ZBTB44: variants seen among roughly 807,000 people sequenced by gnomAD.
ZBTB44 encodes zinc finger and BTB domain containing 44.
In ZBTB44, 15 loss-of-function variants were observed where a neutral mutation model predicts 54.0. The ratio of observed to expected loss-of-function variants is 0.28; its 90% CI spans 0.19 to 0.43. The LOEUF is 0.43. ZBTB44 is among the 20% of genes least tolerant of loss of function. The pLI is 1.00. For missense variants in ZBTB44, 487 were observed against 707.1 expected (o/e 0.69, Z 3.53); for synonymous variants, 230 against 250.1 (o/e 0.92, Z 0.76).
intron 1 of ZBTB44, chr11:130,295,593 C>A (rs1941592864): frequency 8.2e-6 from 6 of 735,806 alleles, no homozygotes; most frequent in Non-Finnish European, 1.4e-5. Context: ...ACTTCATTTG[C>A]TTCTCTACAT....
intron 1 of ZBTB44, chr11:130,296,818 C>T: frequency 1.3e-6 from 1 of 749,052 alleles, no homozygotes; most frequent in Non-Finnish European, 2.5e-6. Context: ...GGTTATGATT[C>T]CCATTCTCTG....
chr11:130,269,061 C>T (rs111382723), intron 1 of ZBTB44, among the ~76,000 whole-genome samples: 11 of 151,042 alleles, frequency 7.3e-5, no homozygotes, highest in East Asian at 2.0e-4. Flanking sequence ...GAGGCCAAAG[C>T]GGGTGGATCA....
At position 130,229,723 on chromosome 11, in the gene ZBTB44, C is replaced by CTTT. The variant is rs1953804360; in HGVS notation, c.*2038_*2040dup. The CTTT allele has an allele frequency of 6.6e-6, 1 of 152,080 alleles. No individual in the cohort carries two copies. The highest frequency in any genetic ancestry group is 1.5e-5 in the Non-Finnish European group (1 of 67,984). 9.4% of individuals were successfully genotyped at this position (152,080 alleles called of 1,614,324 possible). A position where few individuals can be genotyped will look rare whatever the true frequency, so the allele number is the denominator to read the frequency against. ...CACTGCTTCAGAAAAGAAAATTTAG[C>CTTT]TTTTATACATTCATCTCTCAATAAC... On this transcript the variant is annotated 3_prime_UTR_variant, in exon 8 of 8. Transcript: ENST00000357899.
At chr11:130,285,706 A>G in intron 1 of ZBTB44, 1 of 262,600 alleles carries the variant, frequency 3.8e-6, no homozygotes, top group Non-Finnish European at 7.6e-6. Context: ...GTTTGTCCTC[A>G]CCTCTCCAGT....
chr11:130,286,142 C>G (rs567381785), intron 1 of ZBTB44, among the ~76,000 whole-genome samples: 1 of 151,934 alleles, frequency 6.6e-6, no homozygotes, highest in African/African-American at 2.4e-5. Context: ...CAGACTGAGA[C>G]GAAATCAGGC....
At chr11:130,268,062 C>CT in intron 1 of ZBTB44, among the ~76,000 whole-genome samples, 1 of 138,346 alleles carries the variant, frequency 7.2e-6, no homozygotes, top group East Asian at 2.2e-4. Context: ...GAGTGAGACT[C>CT]TGTCTACAAA....
chr11:130,249,634 C>A (rs1937829471), intron 2 of ZBTB44, among the ~76,000 whole-genome samples: 1 of 152,200 alleles, frequency 6.6e-6, no homozygotes, highest in Non-Finnish European at 1.5e-5. Context: ...GTGGGTACAG[C>A]CCACAGAGGG....
At chr11:130,240,366 A>G (rs957315584) in intron 2 of ZBTB44, among the ~76,000 whole-genome samples, 1 of 151,514 alleles carries the variant, frequency 6.6e-6, no homozygotes, top group African/African-American at 2.4e-5. Context: ...AATGTTTGTG[A>G]TTTTAAAGAA....
intron 1 of ZBTB44, among the ~76,000 whole-genome samples, chr11:130,263,916 T>C (rs753556546): frequency 6.6e-6 from 1 of 152,108 alleles, no homozygotes; most frequent in African/African-American, 2.4e-5. Context: ...CTGAAAAAAC[T>C]CTGAAGGGCA....
intron 2 of ZBTB44, among the ~76,000 whole-genome samples, chr11:130,241,637 T>C (rs750949283): frequency 4.6e-5 from 7 of 152,218 alleles, no homozygotes; most frequent in Non-Finnish European, 7.3e-5. Flanking sequence ...CAAATATCTT[T>C]CCCCATCCCA....
At position 130,236,191 on chromosome 11, in the gene ZBTB44, T is replaced by C. The variant is rs1031043468; in HGVS notation, c.1568+602A>G. 4 of 1,286,766 alleles carry C rather than the reference T, an allele frequency of 3.1e-6. No homozygotes were observed. In the African/African-American group the frequency reaches 6.1e-5, roughly 20 times the overall value. The allele number at this position is 1,286,766 out of a possible 1,614,324, so 79.7% of individuals were successfully genotyped here. On this transcript the variant is annotated intron_variant, in intron 5 of 7. Coordinates refer to ENST00000357899, the MANE Select transcript of ZBTB44 (RefSeq NM_001301098.2). ...AACAGCAGTTAGTGGCAGAGCTAGATCTAGAAGCTGATTTCCTGGGATGCC... is the reference window on the plus strand; with the variant it reads ...AACAGCAGTTAGTGGCAGAGCTAGACCTAGAAGCTGATTTCCTGGGATGCC...
chr11:130,244,224 T>C (rs936613267), intron 2 of ZBTB44, among the ~76,000 whole-genome samples: 6 of 152,176 alleles, frequency 3.9e-5, no homozygotes, highest in Non-Finnish European at 7.4e-5. Flanking sequence ...GGTGGGACAG[T>C]AGACTCAAAC....
chr11:130,280,406 A>G (rs1940420225), intron 1 of ZBTB44, among the ~76,000 whole-genome samples: 1 of 152,226 alleles, frequency 6.6e-6, no homozygotes, highest in Admixed American at 6.5e-5. Flanking sequence ...CATCAAGTGA[A>G]ACAATTCTGT....
chr11:130,244,018 G>C (rs919789724), intron 2 of ZBTB44, among the ~76,000 whole-genome samples: 7 of 152,022 alleles, frequency 4.6e-5, no homozygotes, highest in Admixed American at 4.6e-4. Context: ...CCTGCTCTTT[G>C]AGTTGATCAA....
intron 1 of ZBTB44, among the ~76,000 whole-genome samples, chr11:130,301,482 C>T (rs1159363175): frequency 1.3e-5 from 2 of 152,124 alleles, no homozygotes; most frequent in East Asian, 1.9e-4. Context: ...GGTAAGATCA[C>T]GTAGATGCGG....
intron 2 of ZBTB44, among the ~76,000 whole-genome samples, chr11:130,254,720 A>G (rs1938298668): frequency 6.6e-6 from 1 of 152,182 alleles, no homozygotes; most frequent in South Asian, 2.1e-4. Context: ...CCATCCCATT[A>G]CTGGGTATAT....
chr11:130,311,167 T>G (rs962836736), intron 1 of ZBTB44, among the ~76,000 whole-genome samples: 1 of 152,180 alleles, frequency 6.6e-6, no homozygotes, highest in African/African-American at 2.4e-5. Context: ...GCACTATAAT[T>G]TTAAAATGAT....
intron 1 of ZBTB44, among the ~76,000 whole-genome samples, chr11:130,299,517 C>T (rs1941873928): frequency 6.7e-6 from 1 of 150,240 alleles, no homozygotes; most frequent in African/African-American, 2.5e-5. Flanking sequence ...CGTGCCATTG[C>T]ACTCCAGCCT....
intron 1 of ZBTB44, among the ~76,000 whole-genome samples, chr11:130,309,358 G>C (rs1302900192): frequency 1.3e-5 from 2 of 152,200 alleles, no homozygotes; most frequent in African/African-American, 2.4e-5. Flanking sequence ...TACAGGCACA[G>C]TTTTGCTTTT....
Sources: allele counts gnomAD v4.1 joint callset (sites outside exome capture counted in the v4.1 genomes callset), GRCh38; gene constraint gnomAD v4.1.1; transcripts MANE v1.5; gene names NCBI Gene and HGNC (gene_info 2026-07-23, HGNC 2026-07-21).